The following SAMD4A variants were observed in gnomAD, a reference collection of about 807,000 sequenced individuals.
SAMD4A encodes sterile alpha motif domain containing 4A, also known as protein Smaug homolog 1.
Under a neutral mutation model 81.3 loss-of-function variants are expected in SAMD4A, and 33 were observed. The ratio of observed to expected loss-of-function variants is 0.41; its 90% confidence interval spans 0.31 to 0.54. SAMD4A has a LOEUF of 0.54. Among genes scored for constraint, SAMD4A ranks in the 20% least tolerant of loss-of-function variants. SAMD4A has a pLI of 0.37. For missense variants in SAMD4A, 854 were observed against 951.1 expected, an observed-to-expected ratio of 0.90 and a Z score of 1.34; for synonymous variants, 389 against 382.1, an observed-to-expected ratio of 1.02 and a Z score of -0.21.
intron 1 of SAMD4A, 69 bp from the exon 2 acceptor site, chr14:54,567,427 G>A (rs1018707281): frequency 4.0e-4 from 63 of 158,862 alleles, no homozygotes; most frequent in African/African-American, 1.5e-3. Flanking sequence ...ACCCTCTGAT[G>A]CCCTCGTCCC....
At chr14:54,776,286 C>G in intron 10 of SAMD4A, 128 bp from the exon 11 acceptor site, 2 of 930,656 alleles carry the variant, frequency 2.1e-6, no homozygotes, top group Non-Finnish European at 3.2e-6. Context: ...CTAGCACTGG[C>G]CTGCAAGCCC....
intron 5 of SAMD4A, among the ~76,000 whole-genome samples, chr14:54,750,509 G>A (rs945813929): frequency 2.0e-5 from 3 of 152,156 alleles, no homozygotes; most frequent in Non-Finnish European, 1.5e-5. Context: ...ACCCAGTTAA[G>A]AAGATAAAAT....
chr14:54,746,151 T>C (rs1039819544), intron 4 of SAMD4A, among the ~76,000 whole-genome samples: 5 of 152,218 alleles, frequency 3.3e-5, no homozygotes, highest in Non-Finnish European at 7.3e-5. Flanking sequence ...TTCTAATCCT[T>C]GGCAAGGGAA....
rs182717214 is a variant in SAMD4A at position 54,613,839 on chromosome 14, C to G, written c.196+45727C>G. Among the ~76,000 whole-genome samples, 124 of 152,342 alleles carry G rather than the reference C, an allele frequency of 8.1e-4. 1 individual carries two copies. The highest frequency in any genetic ancestry group is 3.4e-3 in the Middle Eastern group (1 of 294). On this transcript the variant is annotated intron_variant, in intron 2 of 12. Transcript: ENST00000554335. The stretch of plus-strand genomic sequence containing the variant: ...CTTTCAGAGGATCTGCAAGGTCAAA[C>G]CCGTTTTCACAATAACGCTAAGACA...
chr14:54,681,190 C>T (rs984777522), intron 2 of SAMD4A, among the ~76,000 whole-genome samples: 1 of 150,674 alleles, frequency 6.6e-6, no homozygotes, highest in African/African-American at 2.5e-5. Flanking sequence ...CCCCCCAGCC[C>T]CCCAACCCCC....
chr14:54,767,730 G>A (rs1279992734), intron 8 of SAMD4A, among the ~76,000 whole-genome samples: 6 of 152,190 alleles, frequency 3.9e-5, no homozygotes, highest in Admixed American at 1.3e-4. Flanking sequence ...GGCTGCCAGC[G>A]GAGGGGGCTG....
intron 8 of SAMD4A, among the ~76,000 whole-genome samples, chr14:54,766,665 C>T (rs571566227): frequency 7.2e-5 from 11 of 152,230 alleles, no homozygotes; most frequent in South Asian, 2.1e-4. Context: ...TTGGGGCAGA[C>T]GGAATGGGGA....
intron 7 of SAMD4A, among the ~76,000 whole-genome samples, chr14:54,761,976 G>T (rs943768104): frequency 1.3e-5 from 2 of 152,184 alleles, no homozygotes; most frequent in Non-Finnish European, 2.9e-5. Context: ...TGCTTTTGTA[G>T]CACAGTGCTT....
Position 54,577,700 on chromosome 14 carries a change from T to C in SAMD4A, c.196+9588T>C, listed in dbSNP as rs147804318. On this transcript the variant is annotated intron_variant, in intron 2 of 12. Transcript: ENST00000554335. ...CAAGTCTGTGCTACCAGTCGCACTC[T>C]CCCTGGAGTCCAGGAGGCAGTTCTG... is the stretch of plus-strand genomic sequence containing the variant. Among the ~76,000 whole-genome samples, 273 of 152,280 alleles carry C rather than the reference T, an allele frequency of 1.8e-3. 12 individuals are homozygous for C. The South Asian group carries it at 0.046, about 26-fold the overall frequency.
At chr14:54,597,736 TA>T (rs1013288410) in intron 2 of SAMD4A, among the ~76,000 whole-genome samples, 2 of 151,954 alleles carry the variant, frequency 1.3e-5, no homozygotes, top group African/African-American at 4.8e-5. Flanking sequence ...ACTATAGGCA[TA>T]TGCCACCATG....
intron 2 of SAMD4A, among the ~76,000 whole-genome samples, chr14:54,603,997 G>A (rs371877736): frequency 6.6e-6 from 1 of 151,998 alleles, no homozygotes; most frequent in Non-Finnish European, 1.5e-5. Context: ...GCTAATTTTT[G>A]TATTTTTAGT....
intron 2 of SAMD4A, among the ~76,000 whole-genome samples, chr14:54,669,485 C>T (rs1379287736): frequency 7.3e-6 from 1 of 136,818 alleles, no homozygotes; most frequent in Non-Finnish European, 1.5e-5. Context: ...GACAGGATCG[C>T]ACTCTGTTGC....
intron 9 of SAMD4A, among the ~76,000 whole-genome samples, chr14:54,774,652 C>CAAAAAA (rs1286823182): frequency 1.0e-3 from 134 of 134,094 alleles, no homozygotes; most frequent in African/African-American, 3.6e-3. Context: ...CCATCTCTAC[C>CAAAAAA]AAAAAAAAAA....
At chr14:54,755,570 T>A (rs1479355499) in intron 6 of SAMD4A, among the ~76,000 whole-genome samples, 1 of 152,136 alleles carries the variant, frequency 6.6e-6, no homozygotes, top group East Asian at 1.9e-4. Flanking sequence ...CCAGGTGCCA[T>A]GGAAGTGTCA....
intron 3 of SAMD4A, among the ~76,000 whole-genome samples, chr14:54,714,890 G>A (rs1224662843): frequency 1.3e-5 from 2 of 152,122 alleles, no homozygotes; most frequent in East Asian, 1.9e-4. Context: ...TCTACAAAGA[G>A]CCAGCCTTCC....
intron 5 of SAMD4A, among the ~76,000 whole-genome samples, chr14:54,749,521 A>C (rs2038048509): frequency 6.6e-6 from 1 of 152,188 alleles, no homozygotes; most frequent in Non-Finnish European, 1.5e-5. Flanking sequence ...TTCTTCTAAC[A>C]TGAGACAATC....
intron 2 of SAMD4A, among the ~76,000 whole-genome samples, chr14:54,572,843 A>G (rs1465292888): frequency 6.6e-6 from 1 of 152,208 alleles, no homozygotes; most frequent in South Asian, 2.1e-4. Context: ...ATTGATATGA[A>G]TAATATTTTT....
At chr14:54,781,942 T>G (rs1299289246) in intron 11 of SAMD4A, among the ~76,000 whole-genome samples, 1 of 152,216 alleles carries the variant, frequency 6.6e-6, no homozygotes, top group Non-Finnish European at 1.5e-5. Context: ...CTCTGCAGTG[T>G]GAACATATGG....
chr14:54,734,691 A>T (rs1314530519), intron 3 of SAMD4A, among the ~76,000 whole-genome samples: 2 of 152,252 alleles, frequency 1.3e-5, no homozygotes, highest in Admixed American at 6.5e-5. Context: ...TGGAGGAGAT[A>T]GCATGGATTA....
Sources: allele counts gnomAD v4.1 joint callset (sites outside exome capture counted in the v4.1 genomes callset), GRCh38; gene constraint gnomAD v4.1.1; transcripts MANE v1.5; gene names NCBI Gene and HGNC (gene_info 2026-07-23, HGNC 2026-07-21).